Variants in MMRN2 observed in about 807,000 individuals in gnomAD.
MMRN2 encodes the protein multimerin-2.
Under a neutral mutation model 68.8 loss-of-function variants are expected in MMRN2, and 53 were observed. That is an observed-to-expected ratio of 0.77 (90% CI 0.62 to 0.97). The LOEUF (loss-of-function observed/expected upper bound fraction) is 0.97. Among genes scored for constraint, MMRN2 ranks in the 50% least tolerant of loss-of-function variants. The probability of loss-of-function intolerance (pLI) is 0.00; values close to 1 mark genes in which losing one functional copy is unlikely to be tolerated. For missense variants in MMRN2, 1,266 were observed against 1,259.5 expected (o/e 1.01, Z -0.08); for synonymous variants, 564 against 551.6 (o/e 1.02, Z -0.32).
intron 1 of MMRN2, among the ~76,000 whole-genome samples, chr10:86,946,624 A>G (rs946671057): frequency 1.3e-5 from 2 of 152,032 alleles, no homozygotes; most frequent in African/African-American, 4.8e-5. Context: ...CAGTTCACAG[A>G]CCCAGTGGCT....
rs1201761621 is a variant in MMRN2, at chr10:86,945,287, G to A, written c.401-19C>T. 4 of 1,613,196 alleles carry A rather than the reference G, an allele frequency of 2.5e-6. No individual in the cohort carries two copies. In the South Asian group the frequency reaches 4.4e-5, roughly 18 times the overall value. Reference sequence around the variant, plus strand: ...ATGGAATCTGCAGAAGAAAGCATTAGTTATTGACCCCAGTGGTCAGAGGAG... The same window carrying A: ...ATGGAATCTGCAGAAGAAAGCATTAATTATTGACCCCAGTGGTCAGAGGAG... On this transcript the variant is annotated intron_variant, in intron 3 of 6. Transcript: ENST00000372027.
chr10:86,952,808 C>T (rs572870811), intron 1 of MMRN2, among the ~76,000 whole-genome samples: 1 of 152,150 alleles, frequency 6.6e-6, no homozygotes, highest in Non-Finnish European at 1.5e-5. Flanking sequence ...TCAAATTTAC[C>T]AGGGCTGGGG....
chr10:86,945,235 C>T lies in MMRN2; in HGVS notation c.434G>A (p.Gly145Asp). 6.2e-7 allele frequency: 1 copy of T among 1,613,884 alleles called. No homozygotes were observed. The highest frequency in any genetic ancestry group is 8.5e-7 in the Non-Finnish European group (1 of 1,180,024). ...SMAIPEPADP[G>D]DSHQEPQDGP... is the part of the protein sequence containing the mutation. ...ATCCTGAGGTTCCTGGTGGCTGTCA[C>T]CAGGATCTGCAGGCTCAGGGATTGC... The change falls in exon 4 of 7, where the codon GGT becomes GAT. Residue 145 changes from glycine to aspartate, a missense_variant. Coordinates refer to ENST00000372027, the MANE Select transcript of MMRN2 (RefSeq NM_024756.3).
At chr10:86,953,743 A>G (rs571529250) in intron 1 of MMRN2, among the ~76,000 whole-genome samples, 1 of 152,340 alleles carries the variant, frequency 6.6e-6, no homozygotes, top group African/African-American at 2.4e-5. Context: ...CTCTCTCTAA[A>G]CAAACTTCCA....
chr10:86,956,933 C>A (rs1417399907), intron 1 of MMRN2, among the ~76,000 whole-genome samples: 1 of 152,250 alleles, frequency 6.6e-6, no homozygotes, highest in Non-Finnish European at 1.5e-5. Context: ...GAGCAGGGGG[C>A]CGTCTCTGCT....
Position 86,942,323 on chromosome 10 carries a change from C to T in MMRN2, c.2461G>A (p.Glu821Lys), listed in dbSNP as rs767487098. 5 of 1,608,532 alleles carry T rather than the reference C, an allele frequency of 3.1e-6. No individual in the cohort carries two copies. In the Admixed American group the frequency reaches 5.0e-5, roughly 16 times the overall value. ...CCCCAGCCCAGGAACTCACCTGCCT[C>T]CCAGAGCGCCGCGCCCAAGGCACCT... ...VPGALGAALW[E>K]AGSPVAFYAS... The change falls in exon 6 of 7, where the codon GAG becomes AAG. Residue 821 changes from glutamate to lysine, a missense_variant. Transcript: ENST00000372027.
In MMRN2 at chr10:86,940,308, C is replaced by T. The variant is rs371668767; in HGVS notation, c.2467+2009G>A. 3.9e-5 allele frequency among the ~76,000 whole-genome samples: 6 copies of T among 152,334 alleles called. No homozygotes were observed. The East Asian group carries it at 7.7e-4, about 20-fold the overall frequency. ...TATAGGCATGAGCCACTGCGCCCGG[C>T]CTGGAAATTTGTTTTTAAGAACAAC... On this transcript the variant is annotated intron_variant, in intron 6 of 6. Coordinates refer to ENST00000372027, the MANE Select transcript of MMRN2 (RefSeq NM_024756.3).
Position 86,936,803 on chromosome 10 carries a change from T to G in MMRN2, c.2790A>C (p.Ser930=). 1 of 1,614,224 alleles carries G rather than the reference T, an allele frequency of 6.2e-7. No individual in the cohort carries two copies. The highest frequency in any genetic ancestry group is 1.1e-5 in the South Asian group (1 of 91,084). ...TGCCCGACAGGCTTCTCTTTGTTAT[T>G]GATCCCTGGGTTAACTCAAACCATA... is the stretch of plus-strand genomic sequence containing the variant. ...ERVWFELTQG[S]ITKRSLSGTA... Residue 930 remains serine, a synonymous_variant, in exon 7 of 7, where the codon TCA becomes TCC. Coordinates refer to ENST00000372027, the MANE Select transcript of MMRN2 (RefSeq NM_024756.3).
At chr10:86,940,781 G>C (rs542766983) in intron 6 of MMRN2, among the ~76,000 whole-genome samples, 1 of 152,322 alleles carries the variant, frequency 6.6e-6, no homozygotes, top group African/African-American at 2.4e-5. Flanking sequence ...TGGTGGCCTT[G>C]TACTTAGCCC....
chr10:86,943,413 C>T lies in MMRN2; in HGVS notation c.1371G>A (p.Met457Ile). Residue 457 changes from methionine (M) to isoleucine (I), a missense_variant, in exon 6 of 7, where the codon ATG (methionine) becomes ATA (isoleucine). Physicochemically the swap from Met to Ile is conservative, Grantham distance 10. Coordinates refer to ENST00000372027, the MANE Select transcript of MMRN2 (RefSeq NM_024756.3). The surrounding 1 kb of genome is among the most constrained non-coding windows in gnomAD (Gnocchi z 4.2). ...GCTCCACCTCCTCCTTGTTCTCCTC[C>T]ATGATCAGAGACTTCTCCATCAGGA... ...RVILMEKSLI[M>I]EENKEEVERQ... 1 of 1,614,040 alleles carries T rather than the reference C, an allele frequency of 6.2e-7. No individual in the cohort carries two copies.
At chr10:86,941,798 T>TA (rs55898424) in intron 6 of MMRN2, among the ~76,000 whole-genome samples, 20,100 of 114,356 alleles carry the variant, frequency 0.18, 1,851 homozygotes, top group Non-Finnish European at 0.23. Context: ...AGACCCATCT[T>TA]AAAAAAAAAA....
intron 6 of MMRN2, among the ~76,000 whole-genome samples, chr10:86,940,202 GT>G (rs1276434565): frequency 6.6e-6 from 1 of 151,976 alleles, no homozygotes; most frequent in Non-Finnish European, 1.5e-5. Flanking sequence ...TAGAGATGGG[GT>G]TTCACCATGT....
chr10:86,939,638 G>T (rs1189010234), intron 6 of MMRN2, among the ~76,000 whole-genome samples: 1 of 151,996 alleles, frequency 6.6e-6, no homozygotes, highest in Non-Finnish European at 1.5e-5. Flanking sequence ...CCGTCCGGGC[G>T]CCTGCGCAGG....
In MMRN2 at chr10:86,940,837, CAGAG is replaced by C. The variant is rs796548681; in HGVS notation, c.2467+1476_2467+1479del. ...CCACAGCTCCAAGGCCAGCCTCTGG[CAGAG>C]AGAGTCACTTGAGACACAGAGCCTA... On this transcript the variant is annotated intron_variant, in intron 6 of 6. Transcript: ENST00000372027. Among the ~76,000 whole-genome samples the C allele has an allele frequency of 3.3e-5, 5 of 152,334 alleles. No homozygotes were observed. In the East Asian group the frequency reaches 7.7e-4, roughly 23 times the overall value.
At position 86,935,606 on chromosome 10, in the gene MMRN2, C is replaced by T. The variant is rs1375000056; in HGVS notation, c.*1137G>A. ...GGGGGATTTTTACAGTCTTCTTTCC[C>T]TCCTCCCTCAGCTGCCTCCTGGTTA... On this transcript the variant is annotated 3_prime_UTR_variant, in exon 7 of 7. Coordinates refer to ENST00000372027, the MANE Select transcript of MMRN2 (RefSeq NM_024756.3). The T allele has an allele frequency of 6.6e-6, 1 of 152,192 alleles. No individual in the cohort carries two copies. The highest frequency in any genetic ancestry group is 1.9e-4 in the East Asian group (1 of 5,196). The allele number at this position is 152,192 out of a possible 1,614,324, so 9.4% of individuals were successfully genotyped here. A position where few individuals can be genotyped will look rare whatever the true frequency, so the allele number is the denominator to read the frequency against.
At position 86,943,149 on chromosome 10, in the gene MMRN2, C is replaced by CAGCGACACGGCGTCCACGGCG; in HGVS notation, c.1614_1634dup (p.Val543_Ala549dup). ...CCTCCGCTTTGTGCGCGTCCACGGC[C>CAGCGACACGGCGTCCACGGCG]AGCGACACGGCGTCCACGGCGTTCT... On this transcript the variant is annotated inframe_insertion, in exon 6 of 7. Coordinates refer to ENST00000372027, the MANE Select transcript of MMRN2 (RefSeq NM_024756.3). The surrounding 1 kb of genome is among the most constrained non-coding windows in gnomAD (Gnocchi z 4.2). The CAGCGACACGGCGTCCACGGCG allele has an allele frequency of 6.3e-7, 1 of 1,596,208 alleles. No homozygotes were observed. Among genetic ancestry groups the CAGCGACACGGCGTCCACGGCG allele is most frequent in the East Asian group, 2.3e-5 (1 of 44,412 alleles).
At chr10:86,947,255 T>A (rs560112495) in intron 1 of MMRN2, among the ~76,000 whole-genome samples, 1 of 152,134 alleles carries the variant, frequency 6.6e-6, no homozygotes, top group African/African-American at 2.4e-5. Context: ...GCCTTGGTGA[T>A]GAAGTGGCTG....
In MMRN2 at chr10:86,945,675, T is replaced by A. The variant is rs1233878892; in HGVS notation, c.179A>T (p.Tyr60Phe). ...TAAGGTGACCAGCTTGGACATTGGG[T>A]AGGGGCACCAGTTACTGGAAAACAA... ...KDPVGRNWCP[Y>F]PMSKLVTLLA... The change falls in exon 2 of 7, where the codon TAC becomes TTC. Residue 60 changes from tyrosine to phenylalanine, a missense_variant. Tyr to Phe is a conservative substitution (Grantham distance 22). Coordinates refer to ENST00000372027, the MANE Select transcript of MMRN2 (RefSeq NM_024756.3). 1 of 1,613,816 alleles carries A rather than the reference T, an allele frequency of 6.2e-7. No individual in the cohort carries two copies. Among genetic ancestry groups the A allele is most frequent in the Non-Finnish European group, 8.5e-7 (1 of 1,180,010 alleles).
rs1472142557 is a variant in MMRN2 at position 86,943,473 on chromosome 10, C to G, written c.1311G>C (p.Gln437His). 1.2e-6 allele frequency: 2 copies of G among 1,614,038 alleles called. No individual in the cohort carries two copies. Among genetic ancestry groups the G allele is most frequent in the Non-Finnish European group, 1.7e-6 (2 of 1,180,042 alleles). ...GCTCACGGAGCGCCGTGTGGTTCAC[C>G]TGCAGCTCCTCCACCTGCCGCTCCA... is the stretch of plus-strand genomic sequence containing the variant. ...SKVERQVEELQVNHTALRELR... is the reference protein window; with the variant it reads ...SKVERQVEELHVNHTALRELR... Residue 437 changes from glutamine (Q) to histidine (H), a missense_variant, in exon 6 of 7, where the codon CAG becomes CAC. By Grantham distance (24) the Gln-to-His change is conservative (BLOSUM62 0). Transcript: ENST00000372027. The surrounding 1 kb of genome is among the most constrained non-coding windows in gnomAD (Gnocchi z 4.2).
Sources: gnomAD v4.1 joint callset for allele counts (sites outside exome capture counted in the v4.1 genomes callset) on GRCh38, gnomAD v4.1.1 for gene constraint, Gnocchi (gnomAD v3.1) non-coding constraint, MANE v1.5 for transcripts, NCBI Gene and HGNC (gene_info 2026-07-23, HGNC 2026-07-21) for gene names.